The following AKAP7 variants were observed in gnomAD, a reference collection of about 807,000 sequenced individuals.
AKAP7 encodes the protein A kinase (PRKA) anchor protein 7.
AKAP7 carries 39 observed loss-of-function variants against 39.5 expected under a neutral mutation model. The observed-to-expected ratio is 0.99, with a 90% CI of 0.76 to 1.29. The LOEUF is 1.29. AKAP7 is among the 50% of genes most tolerant of loss of function. The pLI, the probability that AKAP7 is intolerant of heterozygous loss-of-function variation, is 0.00. For synonymous variants in AKAP7, 140 were observed against 139.1 expected (o/e 1.01, Z -0.05); for missense variants, 414 against 407.7 (o/e 1.02, Z -0.13).
chr6:131,149,131 G>C (rs1801713377), intron 2 of AKAP7, among the ~76,000 whole-genome samples: 1 of 152,192 alleles, frequency 6.6e-6, no homozygotes, highest in South Asian at 2.1e-4. Context: ...TGCGAATGTG[G>C]TATCTTGATT....
chr6:131,193,993 C>G (rs1260700220), intron 5 of AKAP7, among the ~76,000 whole-genome samples: 1 of 151,948 alleles, frequency 6.6e-6, no homozygotes, highest in Admixed American at 6.6e-5. Context: ...TTCAAAAAAA[C>G]AGCTTTTCAT....
chr6:131,153,454 G>A (rs1264309810), intron 2 of AKAP7, among the ~76,000 whole-genome samples: 2 of 151,994 alleles, frequency 1.3e-5, no homozygotes, highest in African/African-American at 4.8e-5. Context: ...CTGGGTTGGG[G>A]TTTTACACTA....
At chr6:131,242,225 C>T (rs763558577) in intron 7 of AKAP7, 71 of 973,490 alleles carry the variant, frequency 7.3e-5, no homozygotes, top group East Asian at 2.3e-4. Context: ...GTAAAGGAAG[C>T]GCAATTGACC....
upstream of AKAP7, among the ~76,000 whole-genome samples, chr6:131,135,418 C>T (rs1800439669): frequency 1.3e-5 from 2 of 152,004 alleles, no homozygotes; most frequent in Non-Finnish European, 2.9e-5. Context: ...AGCGCGTCCG[C>T]GCCTCTCGCC....
chr6:131,176,347 A>C (rs1804579959), intron 5 of AKAP7, among the ~76,000 whole-genome samples: 1 of 152,026 alleles, frequency 6.6e-6, no homozygotes, highest in Non-Finnish European at 1.5e-5. Context: ...TAGCTGATAG[A>C]ATTAAGAAGA....
intron 7 of AKAP7, among the ~76,000 whole-genome samples, chr6:131,261,160 C>T (rs553612748): frequency 4.0e-5 from 6 of 149,238 alleles, no homozygotes; most frequent in South Asian, 2.1e-4. Flanking sequence ...TGCACCATTG[C>T]GCAACAAGAG....
Position 131,282,325 on chromosome 6 carries a change from T to C in AKAP7, c.*599T>C, listed in dbSNP as rs1815265728. 3.7e-6 allele frequency: 5 copies of C among 1,358,688 alleles called. No individual in the cohort carries two copies. The highest frequency in any genetic ancestry group is 9.5e-7 in the Non-Finnish European group (1 of 1,057,966). The allele number at this position is 1,358,688 out of a possible 1,614,324, so 84.2% of individuals were successfully genotyped here. On this transcript the variant is annotated 3_prime_UTR_variant, in exon 8 of 8. Transcript: ENST00000431975. The stretch of plus-strand genomic sequence containing the variant: ...AAAATGTGGGCAACATTTTAAAGTT[T>C]TTTTAAAATCCTATTTTGATAAGTC...
At chr6:131,241,613 GTGTGTGTGTGTGTGTATA>G (rs1000941745) in intron 7 of AKAP7, among the ~76,000 whole-genome samples, 1 of 102,442 alleles carries the variant, frequency 9.8e-6, no homozygotes, top group East Asian at 2.0e-4. Flanking sequence ...GTGTGTGTGT[GTGTGTGTGTGTGTGTATA>G]TATATATGAC....
intron 1 of AKAP7, among the ~76,000 whole-genome samples, chr6:131,143,033 A>G (rs1801176562): frequency 6.6e-6 from 1 of 152,160 alleles, no homozygotes; most frequent in Non-Finnish European, 1.5e-5. Flanking sequence ...CAATACCTGT[A>G]CCACCTTTGT....
intron 1 of AKAP7, among the ~76,000 whole-genome samples, chr6:131,143,793 TG>T (rs1378585480): frequency 2.0e-5 from 3 of 149,574 alleles, no homozygotes; most frequent in Non-Finnish European, 3.0e-5. Flanking sequence ...TGATCATTCT[TG>T]GGTGTTTCTC....
At chr6:131,262,221 T>C (rs1025524352) in intron 7 of AKAP7, among the ~76,000 whole-genome samples, 10 of 152,174 alleles carry the variant, frequency 6.6e-5, no homozygotes, top group African/African-American at 2.2e-4. Context: ...AATGAACAAA[T>C]AGCAAAGGGC....
intron 7 of AKAP7, 76 bp downstream of exon 7, chr6:131,219,884 T>G: frequency 9.7e-7 from 1 of 1,028,104 alleles, no homozygotes; most frequent in East Asian, 3.0e-5. Context: ...GGCAAATATT[T>G]AAACTTAGTT....
chr6:131,186,131 G>A (rs1590356), intron 5 of AKAP7, among the ~76,000 whole-genome samples: 129,927 of 152,176 alleles, frequency 0.85, 55,772 homozygotes, highest in African/African-American at 0.93. Context: ...GTAATCCCCA[G>A]TGTTGGAGGT....
At chr6:131,184,713 AC>A (rs1805646941) in intron 5 of AKAP7, 1 of 827,942 alleles carries the variant, frequency 1.2e-6, no homozygotes, top group Non-Finnish European at 2.2e-6. Context: ...ATCCATCAGG[AC>A]CCTTTTTGGA....
At chr6:131,215,470 T>A (rs1809087136) in intron 6 of AKAP7, among the ~76,000 whole-genome samples, 1 of 152,136 alleles carries the variant, frequency 6.6e-6, no homozygotes, top group Non-Finnish European at 1.5e-5. Context: ...GAACTGAGCC[T>A]CCTCCTGACT....
Position 131,165,077 on chromosome 6 carries a change from T to C in AKAP7, c.292-4T>C. On this transcript the variant is annotated splice_region_variant and splice_polypyrimidine_tract_variant and intron_variant, in intron 3 of 7. Transcript: ENST00000431975. ...TTTTTTTATATGTGTGTATGTGTTA[T>C]TAGATTATAAAAGGAATTAAGATCC... 6.3e-7 allele frequency: 1 copy of C among 1,594,678 alleles called. No individual in the cohort carries two copies. The highest frequency in any genetic ancestry group is 8.5e-7 in the Non-Finnish European group (1 of 1,173,612).
chr6:131,143,892 G>A lies in AKAP7; in HGVS notation c.20-1393G>A, dbSNP rs1287407978. On this transcript the variant is annotated intron_variant, in intron 1 of 7. Transcript: ENST00000431975. ...TGAACAAAGGTCTCTGGTTTTCCTAGGCAGAGGACCCTGCGGCCTTCCGAA... is the reference window on the plus strand; with the variant it reads ...TGAACAAAGGTCTCTGGTTTTCCTAAGCAGAGGACCCTGCGGCCTTCCGAA... Among the ~76,000 whole-genome samples, 3 of 134,378 alleles carry A rather than the reference G, an allele frequency of 2.2e-5. No homozygotes were observed. In the East Asian group the frequency reaches 1.0e-3, roughly 45 times the overall value. 88.2% of individuals were successfully genotyped at this position (134,378 alleles called of 152,430 possible). A position where few individuals can be genotyped will look rare whatever the true frequency, so the allele number is the denominator to read the frequency against.
chr6:131,261,937 A>AGAT (rs1585200793), intron 7 of AKAP7, among the ~76,000 whole-genome samples: 1 of 151,710 alleles, frequency 6.6e-6, no homozygotes, highest in South Asian at 2.1e-4. Flanking sequence ...CTGAGGGAAA[A>AGAT]GATAGTAACT....
chr6:131,206,737 C>A (rs1435058093), intron 6 of AKAP7, among the ~76,000 whole-genome samples: 2 of 152,088 alleles, frequency 1.3e-5, no homozygotes, highest in Non-Finnish European at 1.5e-5. Context: ...TTACTTCTAT[C>A]TATCTAGCTA....
Sources: gnomAD v4.1 joint callset for allele counts (sites outside exome capture counted in the v4.1 genomes callset) on GRCh38, gnomAD v4.1.1 for gene constraint, MANE v1.5 for transcripts, NCBI Gene and HGNC (gene_info 2026-07-23, HGNC 2026-07-21) for gene names.